The following MAPKAPK2 variants were observed in gnomAD, a reference collection of about 807,000 sequenced individuals.
MAPKAPK2 encodes MAPK activated protein kinase 2.
In MAPKAPK2, 9 loss-of-function variants were observed where a neutral mutation model predicts 48.8. That is an observed-to-expected ratio of 0.18 (90% CI 0.11 to 0.32). The LOEUF is 0.32. Among genes scored for constraint, MAPKAPK2 ranks in the 10% least tolerant of loss-of-function variants. MAPKAPK2 has a pLI of 1.00. For synonymous variants in MAPKAPK2, 202 were observed against 190.6 expected (o/e 1.06, Z -0.49); for missense variants, 331 against 498.3 (o/e 0.66, Z 3.20).
At chr1:206,722,902 G>T (rs1289229012) in intron 1 of MAPKAPK2, among the ~76,000 whole-genome samples, 4 of 152,142 alleles carry the variant, frequency 2.6e-5, no homozygotes, top group South Asian at 2.1e-4. Flanking sequence ...AACCAGAGTG[G>T]GTGGCCCTGG....
intron 5 of MAPKAPK2, 49 bp from the exon 6 acceptor site, chr1:206,730,639 T>C (rs1413957254): frequency 1.2e-5 from 18 of 1,489,862 alleles, no homozygotes; most frequent in Non-Finnish European, 1.7e-5. Context: ...ACTGAGTGGA[T>C]CACAGGGTTC....
chr1:206,700,735 G>A (rs1486333306), intron 1 of MAPKAPK2, among the ~76,000 whole-genome samples: 3 of 152,208 alleles, frequency 2.0e-5, no homozygotes, highest in African/African-American at 7.2e-5. Flanking sequence ...CCTCTTTTGA[G>A]ATTCAATTTC....
chr1:206,726,941 G>A (rs543656237), intron 1 of MAPKAPK2, among the ~76,000 whole-genome samples: 1 of 152,236 alleles, frequency 6.6e-6, no homozygotes, highest in Non-Finnish European at 1.5e-5. Flanking sequence ...CAGGTTCTTA[G>A]GCCTCCCTGC....
intron 1 of MAPKAPK2, among the ~76,000 whole-genome samples, chr1:206,702,258 C>G (rs1257759855): frequency 6.6e-6 from 1 of 152,206 alleles, no homozygotes; most frequent in Non-Finnish European, 1.5e-5. Flanking sequence ...ATCTTTAGAG[C>G]CTCGCAGAAC....
chr1:206,727,861 G>A (rs1459723102), intron 1 of MAPKAPK2, among the ~76,000 whole-genome samples: 11 of 152,148 alleles, frequency 7.2e-5, no homozygotes, highest in Admixed American at 5.2e-4. Context: ...CTGACCTCGT[G>A]ATCTGCCTGC....
At chr1:206,725,501 A>C (rs528168459) in intron 1 of MAPKAPK2, among the ~76,000 whole-genome samples, 1 of 152,100 alleles carries the variant, frequency 6.6e-6, no homozygotes, top group Non-Finnish European at 1.5e-5. Flanking sequence ...ATAATAAAGC[A>C]CTTTTAGAGG....
intron 1 of MAPKAPK2, among the ~76,000 whole-genome samples, chr1:206,710,554 C>A (rs554436442): frequency 7.2e-5 from 11 of 152,294 alleles, no homozygotes; most frequent in African/African-American, 2.6e-4. Flanking sequence ...GGAATGTCAA[C>A]ACTGTCACTG....
chr1:206,691,408 A>C (rs1672449180), intron 1 of MAPKAPK2, among the ~76,000 whole-genome samples: 1 of 150,130 alleles, frequency 6.7e-6, no homozygotes, highest in Non-Finnish European at 1.5e-5. Context: ...AACGTATGGC[A>C]GTTATAGAAC....
intron 1 of MAPKAPK2, among the ~76,000 whole-genome samples, chr1:206,692,020 T>C (rs1166042419): frequency 1.3e-5 from 2 of 152,212 alleles, no homozygotes; most frequent in East Asian, 3.8e-4. Flanking sequence ...AATCATAGTG[T>C]AGTGGTGGTG....
rs1338021943 is a variant in MAPKAPK2 at position 206,731,511 on chromosome 1, C to G, written c.893-129C>G. 9.3e-7 allele frequency: 1 copy of G among 1,074,016 alleles called. No homozygotes were observed. The highest frequency in any genetic ancestry group is 2.4e-5 in the East Asian group (1 of 42,178). The allele number at this position is 1,074,016 out of a possible 1,614,324, so 66.5% of individuals were successfully genotyped here. On this transcript the variant is annotated intron_variant, in intron 7 of 9. Coordinates refer to ENST00000367103, the MANE Select transcript of MAPKAPK2 (RefSeq NM_032960.4). This position sits in a 1 kb window ranked among gnomAD's most constrained non-coding sequence, Gnocchi z 5.9. ...GGTACAGCCGTAATGGTCCTTGGGG[C>G]CAGTTGCTCCGGCAGCCTGCCTCCA...
chr1:206,706,422 G>A (rs558606962), intron 1 of MAPKAPK2, among the ~76,000 whole-genome samples: 2 of 152,166 alleles, frequency 1.3e-5, no homozygotes, highest in Non-Finnish European at 2.9e-5. Flanking sequence ...CCTGCAGGAC[G>A]TCTGGGTGGG....
At chr1:206,686,777 C>G (rs1247553645) in intron 1 of MAPKAPK2, among the ~76,000 whole-genome samples, 2 of 152,172 alleles carry the variant, frequency 1.3e-5, no homozygotes, top group Non-Finnish European at 2.9e-5. Flanking sequence ...CAAGCATGTT[C>G]CATTTCTAGA....
intron 1 of MAPKAPK2, among the ~76,000 whole-genome samples, chr1:206,719,840 A>C (rs1476436563): frequency 1.3e-5 from 2 of 152,234 alleles, no homozygotes; most frequent in Non-Finnish European, 1.5e-5. Flanking sequence ...TTGTGGCAGC[A>C]TCTTATTTCT....
intron 1 of MAPKAPK2, among the ~76,000 whole-genome samples, chr1:206,723,079 CAG>C (rs1245951913): frequency 1.9e-4 from 29 of 152,230 alleles, no homozygotes; most frequent in African/African-American, 6.5e-4. Flanking sequence ...GGCGCTGAAT[CAG>C]AGTCTGTCTT....
chr1:206,706,217 G>C (rs1672954877), intron 1 of MAPKAPK2, among the ~76,000 whole-genome samples: 1 of 151,952 alleles, frequency 6.6e-6, no homozygotes, highest in African/African-American at 2.4e-5. Context: ...ACAGGAGTTA[G>C]TCTGTTCCCA....
At chr1:206,725,019 G>C (rs1397934670) in intron 1 of MAPKAPK2, among the ~76,000 whole-genome samples, 1 of 147,806 alleles carries the variant, frequency 6.8e-6, no homozygotes, top group Non-Finnish European at 1.5e-5. Flanking sequence ...AGGTGGGCTT[G>C]CATGACACAA....
chr1:206,732,596 G>T lies in MAPKAPK2; in HGVS notation c.1081G>T (p.Ala361Ser), dbSNP rs55894011. 1.4e-3 allele frequency: 2,337 copies of T among 1,613,974 alleles called. 21 individuals are homozygous for T. In the Middle Eastern group the frequency reaches 0.025, roughly 17 times the overall value. ...CCAGGAGGAGATGACCAGTGCCTTG[G>T]CCACAATGCGCGTTGACTACGAGCA... ...DVKEEMTSAL[A>S]TMRVDYEQIK... Residue 361 changes from alanine (A) to serine (S), a missense_variant, in exon 10 of 10, where the codon GCC (alanine) becomes TCC (serine). Transcript: ENST00000367103. The surrounding 1 kb of genome is among the most constrained non-coding windows in gnomAD (Gnocchi z 4.4).
chr1:206,732,589 T>C lies in MAPKAPK2; in HGVS notation c.1074T>C (p.Ser358=). 1 of 1,614,026 alleles carries C rather than the reference T, an allele frequency of 6.2e-7. No individual in the cohort carries two copies. The highest frequency in any genetic ancestry group is 8.5e-7 in the Non-Finnish European group (1 of 1,180,018). Reference sequence around the variant, plus strand: ...CGTGCCCCCAGGAGGAGATGACCAGTGCCTTGGCCACAATGCGCGTTGACT... The same window carrying C: ...CGTGCCCCCAGGAGGAGATGACCAGCGCCTTGGCCACAATGCGCGTTGACT... ...RWEDVKEEMT[S]ALATMRVDYE... Residue 358 remains serine, a synonymous_variant, in exon 10 of 10, where the codon AGT becomes AGC. Transcript: ENST00000367103. The surrounding 1 kb of genome is among the most constrained non-coding windows in gnomAD (Gnocchi z 4.4).
intron 1 of MAPKAPK2, among the ~76,000 whole-genome samples, chr1:206,726,587 C>T (rs1230219725): frequency 6.6e-6 from 1 of 152,224 alleles, no homozygotes; most frequent in Non-Finnish European, 1.5e-5. Flanking sequence ...GGGGAATTGC[C>T]TCTGCAAAGT....
Sources: gnomAD v4.1 joint callset for allele counts (sites outside exome capture counted in the v4.1 genomes callset) on GRCh38, gnomAD v4.1.1 for gene constraint, Gnocchi (gnomAD v3.1) non-coding constraint, MANE v1.5 for transcripts, NCBI Gene and HGNC (gene_info 2026-07-23, HGNC 2026-07-21) for gene names.